The following TAF4 variants were observed in gnomAD, a reference collection of about 807,000 sequenced individuals.
The protein encoded by TAF4 is transcription initiation factor TFIID subunit 4.
In TAF4, 9 loss-of-function variants were observed where a neutral mutation model predicts 90.3. That is an observed-to-expected ratio of 0.10 (90% CI 0.06 to 0.17). The LOEUF (loss-of-function observed/expected upper bound fraction) is 0.17. Among genes scored for constraint, TAF4 ranks in the 10% least tolerant of loss-of-function variants. TAF4 has a pLI of 1.00. For synonymous variants in TAF4, 818 were observed against 638.9 expected, an observed-to-expected ratio of 1.28 and a Z score of -4.23; for missense variants, 1,351 against 1,370.7, an observed-to-expected ratio of 0.99 and a Z score of 0.23.
intron 1 of TAF4, among the ~76,000 whole-genome samples, chr20:62,057,641 A>G (rs569140823): frequency 1.3e-4 from 17 of 134,068 alleles, no homozygotes; most frequent in Admixed American, 4.0e-4. Flanking sequence ...AGGCCTACAC[A>G]CCAGGCCACA....
intron 1 of TAF4, among the ~76,000 whole-genome samples, chr20:62,039,612 A>G (rs567281479): frequency 6.6e-6 from 1 of 152,390 alleles, no homozygotes; most frequent in African/African-American, 2.4e-5. Context: ...GGATTTATTT[A>G]AGAAGGCACA....
At chr20:62,007,103 T>C (rs974840046) in intron 6 of TAF4, 19 of 278,238 alleles carry the variant, frequency 6.8e-5, no homozygotes, top group African/African-American at 3.9e-4. Flanking sequence ...AGACCCCAAA[T>C]ATCCTGATTC....
rs878935280 is a variant in TAF4, at chr20:61,975,109, T to C, written c.*1059A>G. The C allele has an allele frequency of 2.6e-5, 4 of 152,486 alleles. No individual in the cohort carries two copies. In the South Asian group the frequency reaches 8.3e-4, roughly 32 times the overall value. The allele number at this position is 152,486 out of a possible 1,614,324, so 9.4% of individuals were successfully genotyped here. A position where few individuals can be genotyped will look rare whatever the true frequency, so the allele number is the denominator to read the frequency against. ...TCATAAAAGTACTATCAATAGACAA[T>C]TTCATACAATAACCTCTGAAAATAG... On this transcript the variant is annotated 3_prime_UTR_variant, in exon 15 of 15. Transcript: ENST00000252996.
At chr20:62,023,689 A>C (rs2055856814) in intron 1 of TAF4, among the ~76,000 whole-genome samples, 2 of 141,226 alleles carry the variant, frequency 1.4e-5, no homozygotes, top group South Asian at 5.0e-4. Flanking sequence ...TGGAGGTTGC[A>C]GTGAGCCGAG....
At chr20:61,988,851 G>A (rs975105473) in intron 14 of TAF4, among the ~76,000 whole-genome samples, 3 of 152,122 alleles carry the variant, frequency 2.0e-5, no homozygotes, top group African/African-American at 4.8e-5. Flanking sequence ...CTTCTCATGA[G>A]TGAGGACGCA....
chr20:62,027,278 G>C (rs533587945), intron 1 of TAF4, among the ~76,000 whole-genome samples: 1 of 152,318 alleles, frequency 6.6e-6, no homozygotes, highest in African/African-American at 2.4e-5. Flanking sequence ...AGAGCAAGGT[G>C]CAAACCCTAA....
chr20:61,976,433 A>C lies in TAF4; in HGVS notation c.3091-98T>G. 2.1e-6 allele frequency: 3 copies of C among 1,439,358 alleles called. No homozygotes were observed. In the South Asian group the frequency reaches 3.6e-5, roughly 17 times the overall value. The allele number at this position is 1,439,358 out of a possible 1,614,324, so 89.2% of individuals were successfully genotyped here. The stretch of plus-strand genomic sequence containing the variant: ...GAGCCAAGTACCCCGATTCCAGAGG[A>C]GGCCAGGCCTGGCACGGGCTCCTTC... On this transcript the variant is annotated intron_variant, in intron 14 of 14. Transcript: ENST00000252996.
At chr20:62,036,693 C>A (rs1385754428) in intron 1 of TAF4, among the ~76,000 whole-genome samples, 1 of 152,104 alleles carries the variant, frequency 6.6e-6, no homozygotes. Context: ...AAAAGAAAAA[C>A]CATACAAGCA....
At position 62,012,824 on chromosome 20, in the gene TAF4, G is replaced by A. The variant is rs776408181; in HGVS notation, c.1632C>T (p.Pro544=). 35 of 1,611,636 alleles carry A rather than the reference G, an allele frequency of 2.2e-5. No homozygotes were observed. The highest frequency in any genetic ancestry group is 1.8e-4 in the Admixed American group (11 of 59,470). Residue 544 remains proline, a synonymous_variant, in exon 3 of 15, where the codon CCC becomes CCT. Transcript: ENST00000252996. The part of the protein sequence containing the change: ...VQPSATLQRS[P]GVQPQLVLGG... The stretch of plus-strand genomic sequence containing the variant: ...CCGCCTGCCCTCTCACCTGGACGCC[G>A]GGCGAGCGCTGCAGGGTTGCACTGG...
chr20:62,043,534 T>A (rs2055975663), intron 1 of TAF4, among the ~76,000 whole-genome samples: 1 of 152,156 alleles, frequency 6.6e-6, no homozygotes, highest in Non-Finnish European at 1.5e-5. Context: ...AGCAGCACAG[T>A]CATGTCCCAG....
intron 13 of TAF4, 70 bp downstream of exon 13, chr20:61,998,066 G>A: frequency 6.8e-7 from 1 of 1,470,322 alleles, no homozygotes; most frequent in Non-Finnish European, 9.3e-7. Flanking sequence ...GGTTTCCTTA[G>A]CCCCCCTCCC....
At chr20:62,023,771 G>GAAA (rs1466895405) in intron 1 of TAF4, among the ~76,000 whole-genome samples, 1 of 96,822 alleles carries the variant, frequency 1.0e-5, no homozygotes, top group South Asian at 4.1e-4. Flanking sequence ...AAAAAAAAAA[G>GAAA]AAAGAAAGAA....
In TAF4 at chr20:62,006,615, G is replaced by A. The variant is rs146516743; in HGVS notation, c.2118C>T (p.Ala706=). The part of the protein sequence containing the change: ...VVLSSSVQRT[A]GKTAATVTSA... ...TGGTCACGGTGGCCGCCGTCTTCCC[G>A]GCCGTGCGCTGGACCGAGCTACTCA... The change falls in exon 7 of 15, where the codon GCC becomes GCT. Residue 706 remains alanine, a synonymous_variant. Transcript: ENST00000252996. The surrounding 1 kb of genome is among the most constrained non-coding windows in gnomAD (Gnocchi z 7.0). 4.5e-4 allele frequency: 721 copies of A among 1,598,142 alleles called. 6 individuals carry two copies. The African/African-American group carries it at 7.8e-3, about 17-fold the overall frequency.
At chr20:62,019,487 TTGAAACTGAAACAGTG>T (rs1191419464) in intron 1 of TAF4, among the ~76,000 whole-genome samples, 29 of 152,378 alleles carry the variant, frequency 1.9e-4, no homozygotes, top group Admixed American at 1.6e-3. Flanking sequence ...AATGTAGGTT[TTGAAACTGAAACAGTG>T]TGAAACTCTC....
At chr20:62,031,353 T>C (rs1230017257) in intron 1 of TAF4, among the ~76,000 whole-genome samples, 4 of 152,336 alleles carry the variant, frequency 2.6e-5, no homozygotes, top group Admixed American at 6.5e-5. Flanking sequence ...GCAGTGAGCA[T>C]GCTGGCTGGG....
intron 1 of TAF4, among the ~76,000 whole-genome samples, chr20:62,049,316 G>A (rs2056012900): frequency 6.6e-6 from 1 of 152,290 alleles, no homozygotes; most frequent in Non-Finnish European, 1.5e-5. Context: ...CATGTGCCCT[G>A]CAGGGCAGTG....
In TAF4 at chr20:62,014,683, T is replaced by G. The variant is rs372953295; in HGVS notation, c.1385A>C (p.Asn462Thr). 3.1e-6 allele frequency: 5 copies of G among 1,613,806 alleles called. No individual in the cohort carries two copies. The highest frequency in any genetic ancestry group is 4.2e-6 in the Non-Finnish European group (5 of 1,179,968). Residue 462 changes from asparagine (N) to threonine (T), a missense_variant, in exon 2 of 15, where the codon AAT becomes ACT. Coordinates refer to ENST00000252996, the MANE Select transcript of TAF4 (RefSeq NM_003185.4). ...CTGAGGAATCATTAACAACTGCCCA[T>G]TCTCACTTCGGACGAGGACCATTCC... ...PPGMVLVRSENGQLLMIPQQA... is the reference protein window; with the variant it reads ...PPGMVLVRSETGQLLMIPQQA...
intron 1 of TAF4, among the ~76,000 whole-genome samples, chr20:62,052,801 C>A (rs1217046953): frequency 2.7e-5 from 4 of 145,806 alleles, no homozygotes; most frequent in Non-Finnish European, 6.1e-5. Flanking sequence ...TCCCTCACAC[C>A]ACCCCACCCC....
intron 1 of TAF4, among the ~76,000 whole-genome samples, chr20:62,061,834 A>AC (rs2056090356): frequency 6.6e-6 from 1 of 152,268 alleles, no homozygotes; most frequent in African/African-American, 2.4e-5. Flanking sequence ...AATTACATTA[A>AC]CATAACTGTC....
Sources: gnomAD v4.1 joint callset for allele counts (sites outside exome capture counted in the v4.1 genomes callset) on GRCh38, gnomAD v4.1.1 for gene constraint, Gnocchi (gnomAD v3.1) non-coding constraint, MANE v1.5 for transcripts, NCBI Gene and HGNC (gene_info 2026-07-23, HGNC 2026-07-21) for gene names.